The following FAT3 variants were observed in gnomAD, a reference collection of about 807,000 sequenced individuals.
FAT3 encodes FAT atypical cadherin 3.
A neutral mutation model predicts 310.2 loss-of-function variants in FAT3; 95 were observed. That is an observed-to-expected ratio of 0.31 (90% CI 0.26 to 0.36). The LOEUF (loss-of-function observed/expected upper bound fraction) is 0.36, where lower values mean the gene tolerates loss of function less well. Among genes scored for constraint, FAT3 ranks in the 10% least tolerant of loss-of-function variants. The pLI is 1.00. For missense variants in FAT3, 5,408 were observed against 5,715.6 expected, an observed-to-expected ratio of 0.95 and a Z score of 1.74; for synonymous variants, 2,314 against 2,192.9, an observed-to-expected ratio of 1.06 and a Z score of -1.54.
chr11:92,280,476 T>C (rs1946392236), intron 1 of FAT3, among the ~76,000 whole-genome samples: 1 of 152,234 alleles, frequency 6.6e-6, no homozygotes, highest in Non-Finnish European at 1.5e-5. Flanking sequence ...TTCCTTTTTG[T>C]GCATTACTGC....
chr11:92,668,261 A>G (rs1008165724), intron 3 of FAT3, among the ~76,000 whole-genome samples: 8 of 152,252 alleles, frequency 5.3e-5, no homozygotes, highest in East Asian at 1.9e-4. Flanking sequence ...ATAGGGCTCA[A>G]TTCTGTTACA....
At chr11:92,242,003 T>TA (rs992092931) in intron 1 of FAT3, among the ~76,000 whole-genome samples, 1 of 152,054 alleles carries the variant, frequency 6.6e-6, no homozygotes, top group Admixed American at 6.6e-5. Context: ...TTTACACTCT[T>TA]ACACTTGATA....
intron 3 of FAT3, among the ~76,000 whole-genome samples, chr11:92,615,669 A>G (rs1399841242): frequency 2.0e-5 from 3 of 152,190 alleles, no homozygotes; most frequent in Non-Finnish European, 1.5e-5. Flanking sequence ...AGATTCTGGT[A>G]TGTTGTGTCT....
At chr11:92,655,768 G>A (rs11020035) in intron 3 of FAT3, among the ~76,000 whole-genome samples, 4,754 of 152,108 alleles carry the variant, frequency 0.031, 110 homozygotes, top group Middle Eastern at 0.054. Context: ...CTTTATTGCC[G>A]TCAATGGACC....
At chr11:92,700,540 A>G (rs916587637) in intron 4 of FAT3, among the ~76,000 whole-genome samples, 1 of 152,112 alleles carries the variant, frequency 6.6e-6, no homozygotes, top group Non-Finnish European at 1.5e-5. Flanking sequence ...AATGAGGGTA[A>G]GGGCAGTGGA....
At position 92,837,643 on chromosome 11, in the gene FAT3, A is replaced by C; in HGVS notation, c.10225-20A>C. 2 of 1,612,854 alleles carry C rather than the reference A, an allele frequency of 1.2e-6. No individual in the cohort carries two copies. The highest frequency in any genetic ancestry group is 1.3e-5 in the African/African-American group (1 of 74,906). On this transcript the variant is annotated intron_variant, in intron 16 of 27. Coordinates refer to ENST00000525166, the MANE Select transcript of FAT3 (RefSeq NM_001367949.2). Reference sequence around the variant, plus strand: ...GGAAGCGCTACACCTCTTTACTGTCACCTCTTTGTACCTTGGCAGGTGTCT... The same window carrying C: ...GGAAGCGCTACACCTCTTTACTGTCCCCTCTTTGTACCTTGGCAGGTGTCT...
intron 3 of FAT3, among the ~76,000 whole-genome samples, chr11:92,629,246 G>A (rs546062): frequency 0.57 from 87,042 of 151,888 alleles, 26,684 homozygotes; most frequent in African/African-American, 0.8. Context: ...GGAAAATTCA[G>A]TTACTCATAA....
At chr11:92,692,176 CATT>C (rs1943814668) in intron 3 of FAT3, among the ~76,000 whole-genome samples, 1 of 152,088 alleles carries the variant, frequency 6.6e-6, no homozygotes. Flanking sequence ...AACAGGAAAA[CATT>C]AAAGTTATTC....
At chr11:92,564,548 C>T (rs1955359273) in intron 3 of FAT3, among the ~76,000 whole-genome samples, 1 of 152,060 alleles carries the variant, frequency 6.6e-6, no homozygotes, top group South Asian at 2.1e-4. Flanking sequence ...TAATAGACAT[C>T]TGCAGAACTC....
chr11:92,306,426 C>A (rs1281850822), intron 1 of FAT3, among the ~76,000 whole-genome samples: 1 of 143,468 alleles, frequency 7.0e-6, no homozygotes, highest in Non-Finnish European at 1.5e-5. Context: ...GTTTTAGTAC[C>A]CTTCCCCCCA....
intron 4 of FAT3, among the ~76,000 whole-genome samples, chr11:92,759,700 C>G (rs1946095449): frequency 6.6e-6 from 1 of 152,136 alleles, no homozygotes; most frequent in Non-Finnish European, 1.5e-5. Flanking sequence ...TACCACACTT[C>G]CCGCCTGTAG....
chr11:92,481,796 A>C (rs1453157555), intron 2 of FAT3, among the ~76,000 whole-genome samples: 1 of 152,222 alleles, frequency 6.6e-6, no homozygotes. Flanking sequence ...GGGACACTGC[A>C]GCAAAAAGAC....
At chr11:92,522,162 C>A (rs1219062990) in intron 2 of FAT3, among the ~76,000 whole-genome samples, 3 of 152,164 alleles carry the variant, frequency 2.0e-5, no homozygotes, top group Non-Finnish European at 4.4e-5. Context: ...CCCCAGCTCA[C>A]ACCTTTCTAC....
chr11:92,770,812 C>T (rs906458424), intron 6 of FAT3, among the ~76,000 whole-genome samples: 3 of 152,180 alleles, frequency 2.0e-5, no homozygotes, highest in African/African-American at 4.8e-5. Flanking sequence ...CGGCCCAGTG[C>T]TCCAATGCCC....
chr11:92,371,305 G>T (rs1001902737), intron 2 of FAT3, among the ~76,000 whole-genome samples: 3 of 152,206 alleles, frequency 2.0e-5, no homozygotes, highest in Admixed American at 1.3e-4. Context: ...CTTGTCCAAG[G>T]TTTCACAGCT....
At chr11:92,620,072 T>C (rs1157667802) in intron 3 of FAT3, among the ~76,000 whole-genome samples, 2 of 152,172 alleles carry the variant, frequency 1.3e-5, no homozygotes, top group Non-Finnish European at 2.9e-5. Flanking sequence ...TTTCAAAGTA[T>C]TTCTAATTTC....
intron 2 of FAT3, among the ~76,000 whole-genome samples, chr11:92,518,389 A>G (rs1305692093): frequency 6.6e-6 from 1 of 152,150 alleles, no homozygotes; most frequent in Non-Finnish European, 1.5e-5. Flanking sequence ...GGAAACCATC[A>G]TTCTCAGCAA....
intron 18 of FAT3, among the ~76,000 whole-genome samples, chr11:92,842,719 A>G (rs545990177): frequency 2.0e-5 from 3 of 152,138 alleles, no homozygotes; most frequent in African/African-American, 7.2e-5. Flanking sequence ...AAAAACAAAA[A>G]CAAAAAAAAA....
chr11:92,731,144 T>A (rs1945164613), intron 4 of FAT3, among the ~76,000 whole-genome samples: 1 of 152,226 alleles, frequency 6.6e-6, no homozygotes, highest in South Asian at 2.1e-4. Flanking sequence ...CATTTTGCTA[T>A]TGAATATGTA....
Sources: allele counts gnomAD v4.1 joint callset (sites outside exome capture counted in the v4.1 genomes callset), GRCh38; gene constraint gnomAD v4.1.1; transcripts MANE v1.5; gene names NCBI Gene and HGNC (gene_info 2026-07-23, HGNC 2026-07-21).